Variants in CYP20A1 observed in about 807,000 individuals in gnomAD.
The protein encoded by CYP20A1 is cytochrome P450 family 20 subfamily A member 1.
In CYP20A1, 61 loss-of-function variants were observed where a neutral mutation model predicts 61.4. The observed-to-expected ratio is 0.99, with a 90% confidence interval of 0.81 to 1.23. The LOEUF is 1.23. CYP20A1 is among the 50% of genes most tolerant of loss of function. The pLI, the probability that CYP20A1 is intolerant of heterozygous loss-of-function variation, is 0.00. For synonymous variants in CYP20A1, 193 were observed against 188.2 expected (o/e 1.03, Z -0.21); for missense variants, 530 against 542.4 (o/e 0.98, Z 0.23).
Position 203,297,613 on chromosome 2 carries a change from G to C in CYP20A1, c.*705G>C, listed in dbSNP as rs149859902. 6.6e-6 allele frequency: 1 copy of C among 151,612 alleles called. No homozygotes were observed. The highest frequency in any genetic ancestry group is 6.6e-5 in the Admixed American group (1 of 15,246). The allele number at this position is 151,612 out of a possible 1,614,324, so 9.4% of individuals were successfully genotyped here. ...TCCCAGCACTTTGGGAGGTCGAGGC[G>C]GGTGGATCACCTGAGGTCCGAAGTT... On this transcript the variant is annotated 3_prime_UTR_variant, in exon 13 of 13. Coordinates refer to ENST00000356079, the MANE Select transcript of CYP20A1 (RefSeq NM_177538.3).
intron 1 of CYP20A1, 30 bp downstream of exon 1, chr2:203,239,164 C>T: frequency 6.3e-7 from 1 of 1,584,606 alleles, no homozygotes; most frequent in Non-Finnish European, 8.7e-7. Context: ...TCTGGGGCCC[C>T]GGGCGCCGCC....
Position 203,301,056 on chromosome 2 carries a change from C to T in CYP20A1, c.*4148C>T, listed in dbSNP as rs1177761795. Among the ~76,000 whole-genome samples, 5 of 151,774 alleles carry T rather than the reference C, an allele frequency of 3.3e-5. No individual in the cohort carries two copies. The highest frequency in any genetic ancestry group is 4.8e-5 in the African/African-American group (2 of 41,342). On this transcript the variant is annotated 3_prime_UTR_variant, in exon 13 of 13. Coordinates refer to ENST00000356079, the MANE Select transcript of CYP20A1 (RefSeq NM_177538.3). Reference sequence around the variant, plus strand: ...TACTAAAAATACAAAATTAGCCGGGCGTGGTGGCACATGCCTTTAATCCCA... The same window carrying T: ...TACTAAAAATACAAAATTAGCCGGGTGTGGTGGCACATGCCTTTAATCCCA...
chr2:203,272,716 A>G lies in CYP20A1; in HGVS notation c.647A>G (p.Lys216Arg), dbSNP rs1466886926. 6.2e-7 allele frequency: 1 copy of G among 1,606,030 alleles called. No homozygotes were observed. The highest frequency in any genetic ancestry group is 1.3e-5 in the African/African-American group (1 of 74,396). ...GGCTTTCTAGATGGGTCACTTGATAAAAACATGACTCGGAAAAAACAATAT... is the reference window on the plus strand; with the variant it reads ...GGCTTTCTAGATGGGTCACTTGATAGAAACATGACTCGGAAAAAACAATAT... Reference protein sequence around the residue: ...GKGFLDGSLDKNMTRKKQYED... With the variant: ...GKGFLDGSLDRNMTRKKQYED... Residue 216 changes from lysine (K) to arginine (R), a missense_variant, in exon 6 of 13, where the codon AAA (lysine) becomes AGA (arginine). Physicochemically the swap from Lys to Arg is conservative, Grantham distance 26. Transcript: ENST00000356079.
Position 203,296,532 on chromosome 2 carries a change from T to C in CYP20A1, c.1207T>C (p.Phe403Leu). Residue 403 changes from phenylalanine to leucine, a missense_variant, in exon 12 of 13, where the codon TTC becomes CTC. Transcript: ENST00000356079. The part of the protein sequence containing the change: ...LVMKTFSSLG[F>L]SGTQECPELR... ...AATGAAAACTTTTTCCTCACTTGGA[T>C]TCTCAGGCACACAGGAGTGTCCAGA... 1 of 1,612,836 alleles carries C rather than the reference T, an allele frequency of 6.2e-7. No homozygotes were observed. Among genetic ancestry groups the C allele is most frequent in the Non-Finnish European group, 8.5e-7 (1 of 1,179,270 alleles).
At chr2:203,295,211 C>T (rs963880289) in intron 11 of CYP20A1, among the ~76,000 whole-genome samples, 1 of 151,790 alleles carries the variant, frequency 6.6e-6, no homozygotes, top group African/African-American at 2.4e-5. Flanking sequence ...TCCCAAAGTG[C>T]TGGGATTACA....
At chr2:203,271,244 C>T (rs1396969610) in intron 5 of CYP20A1, among the ~76,000 whole-genome samples, 10 of 150,464 alleles carry the variant, frequency 6.6e-5, no homozygotes, top group African/African-American at 2.4e-4. Flanking sequence ...CCCGCCACCA[C>T]GCCCGGCTAA....
At chr2:203,274,174 T>C (rs936640091) in intron 6 of CYP20A1, among the ~76,000 whole-genome samples, 1 of 82,262 alleles carries the variant, frequency 1.2e-5, no homozygotes, top group Non-Finnish European at 2.8e-5. Context: ...GCTTTAATAC[T>C]TTTTTTTAAA....
rs144785701 is a variant in CYP20A1 at position 203,270,742 on chromosome 2, T to C, written c.601-1928T>C. Reference sequence around the variant, plus strand: ...AATATTTACTTTTTTTTTTCTTTTTTTTTTTTTTTAGGCTGCAGTGCCTCA... The same window carrying C: ...AATATTTACTTTTTTTTTTCTTTTTCTTTTTTTTTAGGCTGCAGTGCCTCA... On this transcript the variant is annotated intron_variant, in intron 5 of 12. Transcript: ENST00000356079. 4.5e-4 allele frequency among the ~76,000 whole-genome samples: 67 copies of C among 147,798 alleles called. 1 individual carries two copies. The highest frequency in any genetic ancestry group is 3.4e-3 in the Middle Eastern group (1 of 290).
chr2:203,275,291 A>G (rs1013908253), intron 6 of CYP20A1, among the ~76,000 whole-genome samples: 1 of 152,196 alleles, frequency 6.6e-6, no homozygotes, highest in African/African-American at 2.4e-5. Flanking sequence ...CCTGACTCCT[A>G]CCTGTAAACA....
At position 203,299,008 on chromosome 2, in the gene CYP20A1, C is replaced by T. The variant is rs1014246077; in HGVS notation, c.*2100C>T. On this transcript the variant is annotated 3_prime_UTR_variant, in exon 13 of 13. Transcript: ENST00000356079. ...TGATGTTGTGCTAGTGCACTCCAGCCTGGGCGACAGGGCTGAGACCTTGTC... is the reference window on the plus strand; with the variant it reads ...TGATGTTGTGCTAGTGCACTCCAGCTTGGGCGACAGGGCTGAGACCTTGTC... Among the ~76,000 whole-genome samples, 2 of 152,020 alleles carry T rather than the reference C, an allele frequency of 1.3e-5. No individual in the cohort carries two copies. The highest frequency in any genetic ancestry group is 2.4e-5 in the African/African-American group (1 of 41,402).
chr2:203,257,338 C>T (rs541642637), intron 4 of CYP20A1, among the ~76,000 whole-genome samples: 27 of 151,592 alleles, frequency 1.8e-4, no homozygotes, highest in African/African-American at 6.0e-4. Flanking sequence ...AAAAAAATTC[C>T]ATTTGGTCAG....
intron 4 of CYP20A1, among the ~76,000 whole-genome samples, chr2:203,263,769 G>A (rs1474142602): frequency 1.3e-5 from 2 of 152,072 alleles, no homozygotes; most frequent in African/African-American, 2.4e-5. Context: ...TGCACTAATG[G>A]CAGAGAACCA....
intron 5 of CYP20A1, among the ~76,000 whole-genome samples, chr2:203,272,156 A>C (rs2067628293): frequency 6.6e-6 from 1 of 152,238 alleles, no homozygotes; most frequent in African/African-American, 2.4e-5. Flanking sequence ...GACTGAAGTC[A>C]TCAAAATATA....
At chr2:203,277,060 G>A (rs1172067048) in intron 6 of CYP20A1, among the ~76,000 whole-genome samples, 1 of 152,110 alleles carries the variant, frequency 6.6e-6, no homozygotes, top group Non-Finnish European at 1.5e-5. Flanking sequence ...ATGAAAAAGT[G>A]TTTCTTGGCC....
At chr2:203,292,790 T>G (rs529090348) in intron 11 of CYP20A1, among the ~76,000 whole-genome samples, 2 of 152,208 alleles carry the variant, frequency 1.3e-5, no homozygotes, top group East Asian at 1.9e-4. Flanking sequence ...GTTGACTGCT[T>G]TTTCTCTTAT....
At position 203,246,739 on chromosome 2, in the gene CYP20A1, G is replaced by GTTGCTC. The variant is rs772381747; in HGVS notation, c.123-13_123-8dup. On this transcript the variant is annotated splice_polypyrimidine_tract_variant and intron_variant, in intron 2 of 12. Transcript: ENST00000356079. ...AATTAAATTGATTATTTTGTCAAAT[G>GTTGCTC]TTGCTCTTTTGCCAGAGATGGTAAT... 90 of 1,607,432 alleles carry GTTGCTC rather than the reference G, an allele frequency of 5.6e-5. No individual in the cohort carries two copies. The highest frequency in any genetic ancestry group is 7.1e-5 in the Non-Finnish European group (84 of 1,177,592).
At chr2:203,255,780 G>C (rs1460688518) in intron 4 of CYP20A1, among the ~76,000 whole-genome samples, 1 of 152,092 alleles carries the variant, frequency 6.6e-6, no homozygotes, top group South Asian at 2.1e-4. Flanking sequence ...TAAGTCTTCA[G>C]ATGTACCCTG....
intron 11 of CYP20A1, 57 bp from the exon 12 acceptor site, chr2:203,296,417 C>G: frequency 9.5e-7 from 1 of 1,051,904 alleles, no homozygotes; most frequent in Non-Finnish European, 1.4e-6. Context: ...CTTTTAGTGT[C>G]AACATGTAAG....
At chr2:203,273,186 A>G (rs926382025) in intron 6 of CYP20A1, among the ~76,000 whole-genome samples, 3 of 152,064 alleles carry the variant, frequency 2.0e-5, no homozygotes, top group Non-Finnish European at 4.4e-5. Flanking sequence ...TATATTTTCT[A>G]CAATGAAAGT....
Sources: gnomAD v4.1 joint callset for allele counts (sites outside exome capture counted in the v4.1 genomes callset) on GRCh38, gnomAD v4.1.1 for gene constraint, MANE v1.5 for transcripts, NCBI Gene and HGNC (gene_info 2026-07-23, HGNC 2026-07-21) for gene names.